CRY2: variants seen among roughly 807,000 people sequenced by gnomAD.
CRY2 encodes the protein cryptochrome circadian regulator 2, also known as cryptochrome-2.
CRY2 carries 31 observed loss-of-function variants against 69.5 expected under a neutral mutation model. The ratio of observed to expected loss-of-function variants is 0.45; its 90% CI spans 0.34 to 0.60. The LOEUF (loss-of-function observed/expected upper bound fraction) is 0.60. CRY2 is among the 20% of genes least tolerant of loss of function. The pLI, the probability that CRY2 is intolerant of heterozygous loss-of-function variation, is 0.02. For synonymous variants in CRY2, 303 were observed against 312.2 expected (o/e 0.97, Z 0.31); for missense variants, 606 against 797.8 (o/e 0.76, Z 2.90).
chr11:45,882,468 C>T lies in CRY2; in HGVS notation c.*1557C>T, dbSNP rs1486419843. The T allele has an allele frequency of 2.5e-6, 1 of 397,472 alleles. No homozygotes were observed. The highest frequency in any genetic ancestry group is 4.4e-6 in the Non-Finnish European group (1 of 225,642). 24.6% of individuals were successfully genotyped at this position (397,472 alleles called of 1,614,324 possible). A position where few individuals can be genotyped will look rare whatever the true frequency, so the allele number is the denominator to read the frequency against. On this transcript the variant is annotated 3_prime_UTR_variant, in exon 12 of 12. Transcript: ENST00000616080. The stretch of plus-strand genomic sequence containing the variant: ...CCCTCACTGTCCTCTGTCCTTGGAC[C>T]AGAACCCTGGGGTCAGACCCATCTC...
At chr11:45,851,595 G>A (rs546199490) in intron 1 of CRY2, among the ~76,000 whole-genome samples, 1 of 152,100 alleles carries the variant, frequency 6.6e-6, no homozygotes, top group South Asian at 2.1e-4. Flanking sequence ...GCCCAAAGGG[G>A]ATAAAAACCT....
intron 7 of CRY2, 113 bp from the exon 8 acceptor site, chr11:45,869,940 T>C (rs1164614133): frequency 1.6e-5 from 24 of 1,513,270 alleles, no homozygotes; most frequent in Non-Finnish European, 2.0e-5. Context: ...CTCCAGATCC[T>C]CTGTGGCTTG....
In CRY2 at chr11:45,869,504, A is replaced by G; in HGVS notation, c.883-2A>G. On this transcript the variant is annotated splice_acceptor_variant, in intron 6 of 11. Coordinates refer to ENST00000616080, the MANE Select transcript of CRY2 (RefSeq NM_021117.5). LOFTEE classifies it high-confidence loss of function. ...TATCCATGTGCCACCCCTACCTCTC[A>G]GGTGAAGCGGAACAGCACACCTCCC... 1 of 1,601,822 alleles carries G rather than the reference A, an allele frequency of 6.2e-7. No individual in the cohort carries two copies. Among genetic ancestry groups the G allele is most frequent in the Non-Finnish European group, 8.5e-7 (1 of 1,171,812 alleles).
Position 45,869,585 on chromosome 11 carries a change from A to G in CRY2, c.962A>G (p.Asn321Ser), listed in dbSNP as rs755421907. The G allele has an allele frequency of 1.9e-6, 3 of 1,614,100 alleles. No individual in the cohort carries two copies. Among genetic ancestry groups the G allele is most frequent in the Admixed American group, 1.7e-5 (1 of 60,008 alleles). The part of the protein sequence containing the change: ...WREFFYTAAT[N>S]NPRFDRMEGN... ...GAGTTCTTCTACACGGCAGCTACCA[A>G]CAACCCCAGGTTTGACCGCATGGAG... Residue 321 changes from asparagine to serine, a missense_variant, in exon 7 of 12, where the codon AAC becomes AGC. Physicochemically the swap from Asn to Ser is conservative, Grantham distance 46. This residue lies in a region of CRY2 where 382 missense variants were observed against 508.9 expected (regional missense o/e 0.75). Coordinates refer to ENST00000616080, the MANE Select transcript of CRY2 (RefSeq NM_021117.5).
intron 11 of CRY2, among the ~76,000 whole-genome samples, chr11:45,876,756 T>C (rs767940656): frequency 2.6e-5 from 4 of 152,254 alleles, no homozygotes; most frequent in African/African-American, 7.2e-5. Context: ...TTGATGTCTT[T>C]TTGACACTAG....
upstream of CRY2, chr11:45,847,251 T>A (rs1465831290): frequency 1.3e-6 from 2 of 1,551,468 alleles, no homozygotes; most frequent in Non-Finnish European, 1.7e-6. Context: ...CTTGTCCGCA[T>A]GCCAGCTCCA....
chr11:45,855,391 G>C (rs1222171605), intron 1 of CRY2, among the ~76,000 whole-genome samples: 1 of 152,204 alleles, frequency 6.6e-6, no homozygotes, highest in Admixed American at 6.5e-5. Context: ...TTTTCCACCA[G>C]AGTAAGGAGG....
At chr11:45,853,728 C>T (rs1165655228) in intron 1 of CRY2, among the ~76,000 whole-genome samples, 2 of 152,220 alleles carry the variant, frequency 1.3e-5, no homozygotes, top group East Asian at 3.8e-4. Flanking sequence ...TTTCAGATGG[C>T]ATGAGACCAT....
chr11:45,857,897 C>T (rs2086254764), intron 2 of CRY2, among the ~76,000 whole-genome samples: 1 of 152,206 alleles, frequency 6.6e-6, no homozygotes, highest in South Asian at 2.1e-4. Context: ...CCGGGCAGGG[C>T]TGAGTCAGGA....
At chr11:45,859,048 A>T (rs984417850) in intron 3 of CRY2, among the ~76,000 whole-genome samples, 175 bp downstream of exon 3, 1 of 152,144 alleles carries the variant, frequency 6.6e-6, no homozygotes, top group Non-Finnish European at 1.5e-5. Context: ...ACAGGTCACA[A>T]AGAGCTTTAC....
chr11:45,871,325 G>A (rs2086380306), intron 10 of CRY2, among the ~76,000 whole-genome samples: 2 of 152,296 alleles, frequency 1.3e-5, no homozygotes, highest in East Asian at 1.9e-4. Context: ...TCAAGGAACC[G>A]AAGGGAGGTC....
intron 5 of CRY2, among the ~76,000 whole-genome samples, chr11:45,866,128 T>C (rs2086328917): frequency 6.6e-6 from 1 of 152,078 alleles, no homozygotes; most frequent in Non-Finnish European, 1.5e-5. Flanking sequence ...TAGCTAGCAG[T>C]GTATTATCTG....
chr11:45,855,528 T>C (rs1024994009), intron 1 of CRY2, among the ~76,000 whole-genome samples: 2 of 152,202 alleles, frequency 1.3e-5, no homozygotes, highest in African/African-American at 2.4e-5. Context: ...GGGCAGATAC[T>C]TATATCTAGC....
At chr11:45,868,851 A>G (rs2086352087) in intron 6 of CRY2, among the ~76,000 whole-genome samples, 1 of 151,728 alleles carries the variant, frequency 6.6e-6, no homozygotes, top group South Asian at 2.1e-4. Flanking sequence ...GCCCAGGCTG[A>G]TCTCAAACTC....
At chr11:45,858,075 T>C (rs1487393347) in intron 2 of CRY2, among the ~76,000 whole-genome samples, 2 of 152,218 alleles carry the variant, frequency 1.3e-5, no homozygotes, top group Non-Finnish European at 2.9e-5. Context: ...TGCTATGAGA[T>C]CTAGAAATTC....
At position 45,872,291 on chromosome 11, in the gene CRY2, A is replaced by G; in HGVS notation, c.*2+58A>G. The G allele has an allele frequency of 2.0e-6, 3 of 1,509,712 alleles. No homozygotes were observed. The South Asian group carries it at 3.4e-5, about 17-fold the overall frequency. The allele number at this position is 1,509,712 out of a possible 1,614,324, so 93.5% of individuals were successfully genotyped here. Reference sequence around the variant, plus strand: ...AAGGAAGTTGGGAGTGGGGGGGCCTACTGCCCTGCCAGCTGCAGGTTGAAA... The same window carrying G: ...AAGGAAGTTGGGAGTGGGGGGGCCTGCTGCCCTGCCAGCTGCAGGTTGAAA... On this transcript the variant is annotated intron_variant, in intron 11 of 11. Transcript: ENST00000616080.
At chr11:45,862,378 G>C (rs1020802729) in intron 5 of CRY2, among the ~76,000 whole-genome samples, 1 of 151,464 alleles carries the variant, frequency 6.6e-6, no homozygotes, top group African/African-American at 2.4e-5. Context: ...TTAAGCACCT[G>C]CTGGCATTTC....
intron 11 of CRY2, among the ~76,000 whole-genome samples, chr11:45,878,403 A>G (rs2086440452): frequency 6.6e-6 from 1 of 152,212 alleles, no homozygotes; most frequent in South Asian, 2.1e-4. Context: ...TTTGTGGTAT[A>G]TCCTGCAATC....
At chr11:45,875,899 C>T (rs2086421037) in intron 11 of CRY2, among the ~76,000 whole-genome samples, 1 of 152,218 alleles carries the variant, frequency 6.6e-6, no homozygotes, top group South Asian at 2.1e-4. Flanking sequence ...ATGCACTATG[C>T]AAATGGAATC....
Sources: gnomAD v4.1 joint callset for allele counts (sites outside exome capture counted in the v4.1 genomes callset) on GRCh38, gnomAD v4.1.1 for gene constraint, gnomAD v4.1.1 regional missense constraint, MANE v1.5 for transcripts, NCBI Gene and HGNC (gene_info 2026-07-23, HGNC 2026-07-21) for gene names.